Variants in ZNF705G observed in about 807,000 individuals in gnomAD.
The protein encoded by ZNF705G is zinc finger protein 705G.
In ZNF705G, 23 loss-of-function variants were observed where a neutral mutation model predicts 19.6. The observed-to-expected ratio is 1.17, with a 90% confidence interval of 0.84 to 1.66. ZNF705G has a LOEUF of 1.66. Ranked by LOEUF, ZNF705G falls within the 40% of genes most tolerant of loss-of-function variation. The probability of loss-of-function intolerance (pLI) is 0.00; values close to 1 mark genes in which losing one functional copy is unlikely to be tolerated. For synonymous variants in ZNF705G, 146 were observed against 117.7 expected, an observed-to-expected ratio of 1.24 and a Z score of -1.56; for missense variants, 457 against 354.4, an observed-to-expected ratio of 1.29 and a Z score of -2.32.
chr8:7,358,548 T>C lies in ZNF705G; in HGVS notation c.331A>G (p.Ile111Val), dbSNP rs1563288463. The change falls in exon 7 of 7, where the codon ATT becomes GTT. Residue 111 changes from isoleucine (I) to valine (V), a missense_variant. Physicochemically the swap from Ile to Val is conservative, Grantham distance 29. Coordinates refer to ENST00000400156, the MANE Select transcript of ZNF705G (RefSeq NM_001164457.3). ...TTACATTCAAAAGGATCCTCCAGAATGAGAGAGTTCTCCTTTGGGGCAAAT... is the reference window on the plus strand; with the variant it reads ...TTACATTCAAAAGGATCCTCCAGAACGAGAGAGTTCTCCTTTGGGGCAAAT... ...STSMTMENSL[I>V]LEDPFECNDS... 1.9e-6 allele frequency: 3 copies of C among 1,607,544 alleles called. No individual in the cohort carries two copies. The highest frequency in any genetic ancestry group is 2.5e-6 in the Non-Finnish European group (3 of 1,179,582).
At chr8:7,370,332 C>T (rs1480252500) in intron 2 of ZNF705G, among the ~76,000 whole-genome samples, 1 of 148,148 alleles carries the variant, frequency 6.8e-6, no homozygotes, top group Non-Finnish European at 1.5e-5. Context: ...ATACAAATGG[C>T]CAACAAATAT....
intron 2 of ZNF705G, among the ~76,000 whole-genome samples, chr8:7,370,693 C>T (rs1280705446): frequency 2.2e-5 from 3 of 137,518 alleles, no homozygotes; most frequent in African/African-American, 6.3e-5. Flanking sequence ...TACCGCTTGA[C>T]CCAGCAATCC....
intron 2 of ZNF705G, among the ~76,000 whole-genome samples, chr8:7,381,025 C>A (rs77551501): frequency 0.97 from 31,259 of 32,264 alleles, 15,171 homozygotes; most frequent in Admixed American, 0.98. Context: ...CAAACCACCA[C>A]CAAAAAAAAA....
intron 2 of ZNF705G, among the ~76,000 whole-genome samples, chr8:7,364,748 T>A (rs553536633): frequency 2.0e-5 from 3 of 149,538 alleles, no homozygotes; most frequent in Non-Finnish European, 4.4e-5. Context: ...TTCTTATTCC[T>A]TGGACTATTT....
At chr8:7,361,299 G>A (rs1806583120) in intron 3 of ZNF705G, 63 bp from the exon 4 acceptor site, 2 of 1,591,820 alleles carry the variant, frequency 1.3e-6, no homozygotes, top group Non-Finnish European at 8.5e-7. Flanking sequence ...GGAAGAGGAA[G>A]GCTGAGATGA....
In ZNF705G at chr8:7,385,114, C is replaced by T. The variant is rs576033141; in HGVS notation, c.-222+384G>A. ...TAGAGCTTGAGGTTCAGAGAATGAA[C>T]AGGGTCGTGCATAAAAGGTTGTCTG... On this transcript the variant is annotated intron_variant, in intron 1 of 6. Coordinates refer to ENST00000400156, the MANE Select transcript of ZNF705G (RefSeq NM_001164457.3). Among the ~76,000 whole-genome samples, 5 of 148,016 alleles carry T rather than the reference C, an allele frequency of 3.4e-5. No homozygotes were observed. The South Asian group carries it at 1.1e-3, about 31-fold the overall frequency.
chr8:7,357,509 G>T lies in ZNF705G; in HGVS notation c.*467C>A, dbSNP rs1372575397. ...CATTTTCACACTGAATGCAGAGTTA[G>T]AGATTCTCTACCTGAAAGTCCCACA... On this transcript the variant is annotated 3_prime_UTR_variant, in exon 7 of 7. Coordinates refer to ENST00000400156, the MANE Select transcript of ZNF705G (RefSeq NM_001164457.3). 1 of 195,236 alleles carries T rather than the reference G, an allele frequency of 5.1e-6. No homozygotes were observed. Among genetic ancestry groups the T allele is most frequent in the Admixed American group, 5.3e-5 (1 of 19,042 alleles). 12.1% of individuals were successfully genotyped at this position (195,236 alleles called of 1,614,324 possible).
intron 4 of ZNF705G, among the ~76,000 whole-genome samples, chr8:7,360,727 G>A (rs1363390070): frequency 6.7e-6 from 1 of 149,464 alleles, no homozygotes; most frequent in Admixed American, 6.6e-5. Flanking sequence ...ATATGGAAAA[G>A]ATATTGCTAT....
At chr8:7,369,092 C>G (rs1806984004) in intron 2 of ZNF705G, among the ~76,000 whole-genome samples, 1 of 149,508 alleles carries the variant, frequency 6.7e-6, no homozygotes, top group Admixed American at 6.6e-5. Context: ...TTCCCCTTAT[C>G]AAACCATCAC....
At chr8:7,362,185 C>G (rs1487779683) in intron 3 of ZNF705G, among the ~76,000 whole-genome samples, 1 of 149,590 alleles carries the variant, frequency 6.7e-6, no homozygotes, top group Non-Finnish European at 1.5e-5. Context: ...AAATTGTACT[C>G]TATCTACTAT....
At chr8:7,379,944 A>G (rs1807414518) in intron 2 of ZNF705G, among the ~76,000 whole-genome samples, 2 of 142,130 alleles carry the variant, frequency 1.4e-5, no homozygotes, top group Non-Finnish European at 3.0e-5. Context: ...ACATCTCTGG[A>G]CCCTCAGTGA....
chr8:7,380,296 C>T (rs1313120571), intron 2 of ZNF705G, among the ~76,000 whole-genome samples: 1 of 146,632 alleles, frequency 6.8e-6, no homozygotes. Flanking sequence ...ATTGCTGTCA[C>T]TACCACTACC....
At chr8:7,365,606 G>C (rs1235676311) in intron 2 of ZNF705G, among the ~76,000 whole-genome samples, 1 of 149,288 alleles carries the variant, frequency 6.7e-6, no homozygotes, top group Admixed American at 6.6e-5. Context: ...CTGACCTCAG[G>C]TGATCCGCCA....
At chr8:7,377,953 CAAAAAAAAAA>C (rs1175739210) in intron 2 of ZNF705G, among the ~76,000 whole-genome samples, 1 of 53,120 alleles carries the variant, frequency 1.9e-5, no homozygotes, top group African/African-American at 1.3e-4. Context: ...GACACTGTCT[CAAAAAAAAAA>C]AAAAAAAAAA....
intron 2 of ZNF705G, among the ~76,000 whole-genome samples, chr8:7,369,563 A>C (rs1209515948): frequency 6.7e-6 from 1 of 149,648 alleles, no homozygotes; most frequent in Non-Finnish European, 1.5e-5. Flanking sequence ...ATCCAAAAGA[A>C]AATAAATTGT....
intron 2 of ZNF705G, among the ~76,000 whole-genome samples, chr8:7,366,907 G>T (rs1242091830): frequency 6.7e-6 from 1 of 149,630 alleles, no homozygotes; most frequent in Non-Finnish European, 1.5e-5. Flanking sequence ...TGTAGTTACA[G>T]AATTTCTAGA....
chr8:7,383,927 A>C (rs1807618272), intron 1 of ZNF705G, among the ~76,000 whole-genome samples: 1 of 141,816 alleles, frequency 7.1e-6, no homozygotes, highest in Non-Finnish European at 1.5e-5. Context: ...GGAAGGAAGA[A>C]AAGAAGGAAG....
rs1343930140 is a variant in ZNF705G, at chr8:7,384,437, C to T, written c.-222+1061G>A. On this transcript the variant is annotated intron_variant, in intron 1 of 6. Coordinates refer to ENST00000400156, the MANE Select transcript of ZNF705G (RefSeq NM_001164457.3). ...TGAACAGACATTTCTCAAAAAAAGA[C>T]ATTTATGCAGCCAACAAACATGAAA... is the stretch of plus-strand genomic sequence containing the variant. Among the ~76,000 whole-genome samples the T allele has an allele frequency of 5.5e-5, 8 of 145,714 alleles. No individual in the cohort carries two copies. The East Asian group carries it at 1.4e-3, about 25-fold the overall frequency.
chr8:7,383,231 G>A (rs538431265), intron 1 of ZNF705G, among the ~76,000 whole-genome samples: 129 of 149,506 alleles, frequency 8.6e-4, no homozygotes, highest in Middle Eastern at 3.4e-3. Flanking sequence ...ACACATTAGG[G>A]GCCAAAGAGT....
Sources: allele counts gnomAD v4.1 joint callset (sites outside exome capture counted in the v4.1 genomes callset), GRCh38; gene constraint gnomAD v4.1.1; transcripts MANE v1.5; gene names NCBI Gene and HGNC (gene_info 2026-07-23, HGNC 2026-07-21).